Variants in PTK2B observed in about 807,000 individuals in gnomAD.
PTK2B encodes protein tyrosine kinase 2 beta.
Under a neutral mutation model 142.9 loss-of-function variants are expected in PTK2B, and 71 were observed. The ratio of observed to expected loss-of-function variants is 0.50; its 90% CI spans 0.41 to 0.61. PTK2B has a LOEUF of 0.61. Ranked by LOEUF, PTK2B falls within the 20% of genes least tolerant of loss-of-function variation. The pLI is 0.00. For missense variants in PTK2B, 1,105 were observed against 1,320.4 expected, an observed-to-expected ratio of 0.84 and a Z score of 2.53; for synonymous variants, 519 against 503.4, an observed-to-expected ratio of 1.03 and a Z score of -0.42.
At position 27,431,428 on chromosome 8, in the gene PTK2B, A is replaced by G. The variant is rs1257009762; in HGVS notation, c.841A>G (p.Ile281Val). ...ATGGAACATTACTGTGGACCTGGTCATTGGCCCTAAAGGGATCCGCCAGCT... is the reference window on the plus strand; with the variant it reads ...ATGGAACATTACTGTGGACCTGGTCGTTGGCCCTAAAGGGATCCGCCAGCT... ...QGWNITVDLV[I>V]GPKGIRQLTS... The change falls in exon 9 of 31, where the codon ATT becomes GTT. Residue 281 changes from isoleucine (I) to valine (V), a missense_variant. Transcript: ENST00000346049. The G allele has an allele frequency of 6.2e-7, 1 of 1,614,218 alleles. No individual in the cohort carries two copies. Among genetic ancestry groups the G allele is most frequent in the Non-Finnish European group, 8.5e-7 (1 of 1,180,030 alleles).
chr8:27,426,252 G>A (rs1037786957), intron 5 of PTK2B, among the ~76,000 whole-genome samples: 2 of 152,226 alleles, frequency 1.3e-5, no homozygotes, highest in Non-Finnish European at 2.9e-5. Context: ...ATTTGGTTTA[G>A]TTATTTCCTT....
chr8:27,420,132 C>T, intron 3 of PTK2B, 59 bp downstream of exon 3: 1 of 1,591,086 alleles, frequency 6.3e-7, no homozygotes, highest in Non-Finnish European at 8.6e-7. Context: ...GGTGGGGAGG[C>T]CCTGGGAGTT....
chr8:27,439,474 G>A (rs1047311679), intron 20 of PTK2B, 76 bp downstream of exon 20: 3 of 1,459,550 alleles, frequency 2.1e-6, no homozygotes, highest in South Asian at 2.3e-5. Context: ...GGTGGGTGCA[G>A]GGAGCAGGGG....
intron 2 of PTK2B, among the ~76,000 whole-genome samples, chr8:27,410,290 G>C (rs1808979362): frequency 6.6e-6 from 1 of 152,184 alleles, no homozygotes; most frequent in South Asian, 2.1e-4. Context: ...GCAGGATGGG[G>C]CAGAGGAAAA....
At chr8:27,330,868 C>G (rs1432190653) in intron 1 of PTK2B, among the ~76,000 whole-genome samples, 3 of 152,144 alleles carry the variant, frequency 2.0e-5, no homozygotes, top group Admixed American at 2.0e-4. Flanking sequence ...TAGTGGTCTT[C>G]GTGGCCTCTT....
At chr8:27,348,778 G>T (rs1474398330) in intron 1 of PTK2B, among the ~76,000 whole-genome samples, 1 of 152,030 alleles carries the variant, frequency 6.6e-6, no homozygotes, top group African/African-American at 2.4e-5. Flanking sequence ...TGCACTTGTT[G>T]TCAGGATGCC....
intron 1 of PTK2B, among the ~76,000 whole-genome samples, chr8:27,345,187 C>G (rs117763771): frequency 6.6e-6 from 1 of 152,170 alleles, no homozygotes; most frequent in South Asian, 2.1e-4. Context: ...AGGGTCAGAT[C>G]ATGGGGGCAT....
chr8:27,430,090 C>T lies in PTK2B; in HGVS notation c.552-3C>T, dbSNP rs765406750. 5.6e-6 allele frequency: 9 copies of T among 1,613,194 alleles called. No homozygotes were observed. The highest frequency in any genetic ancestry group is 3.3e-5 in the Admixed American group (2 of 60,016). On this transcript the variant is annotated splice_region_variant and splice_polypyrimidine_tract_variant and intron_variant, in intron 5 of 30. Coordinates refer to ENST00000346049, the MANE Select transcript of PTK2B (RefSeq NM_173176.3). ...CCTCCCTCTCCACCACCTATTTCTC[C>T]AGGCGGTTCTTCAAGGATATGCCCC...
At chr8:27,435,970 C>T (rs1254218275) in intron 14 of PTK2B, among the ~76,000 whole-genome samples, 177 bp downstream of exon 14, 1 of 151,992 alleles carries the variant, frequency 6.6e-6, no homozygotes, top group Non-Finnish European at 1.5e-5. Flanking sequence ...TTTTTTTTCT[C>T]TCCCTATACT....
At chr8:27,358,554 T>C (rs1489689808) in intron 1 of PTK2B, among the ~76,000 whole-genome samples, 5 of 152,206 alleles carry the variant, frequency 3.3e-5, no homozygotes, top group Non-Finnish European at 1.5e-5. Flanking sequence ...TGTCTTAATG[T>C]TTTTAGGTTT....
intron 5 of PTK2B, among the ~76,000 whole-genome samples, chr8:27,426,499 G>A (rs765173423): frequency 1.1e-4 from 16 of 152,194 alleles, no homozygotes; most frequent in Non-Finnish European, 2.2e-4. Flanking sequence ...ACAGAAAATT[G>A]GGAAGCTACC....
chr8:27,435,305 G>A (rs980591021), intron 13 of PTK2B, among the ~76,000 whole-genome samples: 10 of 152,252 alleles, frequency 6.6e-5, no homozygotes, highest in African/African-American at 2.4e-4. Flanking sequence ...GGGGCTCCAC[G>A]CTCAGGACTG....
rs116114074 is a variant in PTK2B at position 27,376,661 on chromosome 8, G to A, written c.-37-20887G>A. On this transcript the variant is annotated intron_variant, in intron 1 of 30. Transcript: ENST00000346049. The stretch of plus-strand genomic sequence containing the variant: ...CAAAACCTACCAAAATCAAGATGGC[G>A]ATGAGAGTGTCCTCTGGTCATCCTC... Among the ~76,000 whole-genome samples the A allele has an allele frequency of 8.5e-3, 1,293 of 152,266 alleles. 15 individuals are homozygous for A. Among genetic ancestry groups the A allele is most frequent in the African/African-American group, 0.03 (1,226 of 41,550 alleles).
At chr8:27,317,372 A>C (rs2130541703) in intron 3 of PTK2B, among the ~76,000 whole-genome samples, 1 of 152,240 alleles carries the variant, frequency 6.6e-6, no homozygotes, top group African/African-American at 2.4e-5. Context: ...AAAGGGAGAA[A>C]ATTTTCCATT....
At chr8:27,426,686 A>G (rs1422951194) in intron 5 of PTK2B, among the ~76,000 whole-genome samples, 4 of 152,190 alleles carry the variant, frequency 2.6e-5, no homozygotes, top group Non-Finnish European at 5.9e-5. Flanking sequence ...GACTATATAA[A>G]TGATCTTCGA....
At chr8:27,451,621 C>T in intron 27 of PTK2B, 112 bp downstream of exon 27, 1 of 1,568,596 alleles carries the variant, frequency 6.4e-7, no homozygotes, top group Non-Finnish European at 8.7e-7. Flanking sequence ...GCATTCCCTG[C>T]AGCATCGGCC....
At chr8:27,450,568 G>A (rs989640532) in intron 24 of PTK2B, among the ~76,000 whole-genome samples, 181 bp from the exon 25 acceptor site, 6 of 152,134 alleles carry the variant, frequency 3.9e-5, no homozygotes, top group Non-Finnish European at 8.8e-5. Flanking sequence ...ACATGCTCGG[G>A]GCTGATACTG....
At chr8:27,358,682 G>A (rs1324464847) in intron 1 of PTK2B, among the ~76,000 whole-genome samples, 3 of 152,000 alleles carry the variant, frequency 2.0e-5, no homozygotes, top group Non-Finnish European at 4.4e-5. Context: ...TTTAGTATAT[G>A]TATACTACAT....
chr8:27,384,975 T>C (rs1248532936), intron 1 of PTK2B, among the ~76,000 whole-genome samples: 1 of 152,106 alleles, frequency 6.6e-6, no homozygotes, highest in Non-Finnish European at 1.5e-5. Flanking sequence ...TACTCTGAAT[T>C]ATAGCCAGAA....
Sources: allele counts gnomAD v4.1 joint callset (sites outside exome capture counted in the v4.1 genomes callset), GRCh38; gene constraint gnomAD v4.1.1; transcripts MANE v1.5; gene names NCBI Gene and HGNC (gene_info 2026-07-23, HGNC 2026-07-21).